PTPRO: variants seen among roughly 807,000 people sequenced by gnomAD.
PTPRO encodes protein tyrosine phosphatase receptor type O.
A neutral mutation model predicts 145.2 loss-of-function variants in PTPRO; 62 were observed. That is an observed-to-expected ratio of 0.43 (90% CI 0.35 to 0.53). The LOEUF is 0.53. PTPRO is among the 20% of genes least tolerant of loss of function. The pLI is 0.01. For missense variants in PTPRO, 1,345 were observed against 1,482.7 expected, an observed-to-expected ratio of 0.91 and a Z score of 1.53; for synonymous variants, 565 against 514.7, an observed-to-expected ratio of 1.10 and a Z score of -1.32.
At chr12:15,533,935 G>T (rs959074645) in intron 12 of PTPRO, among the ~76,000 whole-genome samples, 4 of 152,060 alleles carry the variant, frequency 2.6e-5, no homozygotes, top group Non-Finnish European at 5.9e-5. Context: ...TCTATAGAAA[G>T]AAACCAAACT....
At chr12:15,406,458 A>T (rs1415711870) in intron 1 of PTPRO, among the ~76,000 whole-genome samples, 1 of 152,188 alleles carries the variant, frequency 6.6e-6, no homozygotes, top group South Asian at 2.1e-4. Context: ...AGTCTTACAT[A>T]CAATAGTCAT....
chr12:15,534,143 G>A (rs1225442909), intron 12 of PTPRO, among the ~76,000 whole-genome samples: 1 of 152,092 alleles, frequency 6.6e-6, no homozygotes, highest in African/African-American at 2.4e-5. Context: ...GCAGTTTCAC[G>A]AAACTTTGGT....
At chr12:15,550,163 C>T (rs1333898656) in intron 14 of PTPRO, among the ~76,000 whole-genome samples, 1 of 152,078 alleles carries the variant, frequency 6.6e-6, no homozygotes, top group Non-Finnish European at 1.5e-5. Context: ...GAAGTCTTAC[C>T]AATGATATAG....
chr12:15,452,212 A>T (rs1256426648), intron 1 of PTPRO, among the ~76,000 whole-genome samples: 1 of 152,194 alleles, frequency 6.6e-6, no homozygotes, highest in Non-Finnish European at 1.5e-5. Context: ...GTTACTATGA[A>T]CACCTTTATG....
intron 12 of PTPRO, chr12:15,546,257 G>A: frequency 1.0e-6 from 1 of 981,116 alleles, no homozygotes; most frequent in Non-Finnish European, 1.3e-6. Flanking sequence ...GTATTATCAG[G>A]GCAATGCTAA....
At chr12:15,397,349 C>G (rs751547896) in intron 1 of PTPRO, among the ~76,000 whole-genome samples, 12 of 152,130 alleles carry the variant, frequency 7.9e-5, no homozygotes, top group Non-Finnish European at 1.6e-4. Context: ...TGCAATAACC[C>G]TAAAAGATTA....
At chr12:15,529,500 G>A (rs772055804) in intron 12 of PTPRO, among the ~76,000 whole-genome samples, 56 of 151,468 alleles carry the variant, frequency 3.7e-4, no homozygotes, top group Non-Finnish European at 6.0e-4. Context: ...AAGAAAAGCT[G>A]GGTATGGTGA....
intron 1 of PTPRO, among the ~76,000 whole-genome samples, chr12:15,340,828 A>G (rs867878111): frequency 2.6e-5 from 4 of 152,174 alleles, no homozygotes; most frequent in Non-Finnish European, 5.9e-5. Flanking sequence ...TCCCTCCAAG[A>G]AAGATACCAC....
At chr12:15,395,046 T>A (rs1024639617) in intron 1 of PTPRO, among the ~76,000 whole-genome samples, 1 of 152,156 alleles carries the variant, frequency 6.6e-6, no homozygotes, top group Non-Finnish European at 1.5e-5. Context: ...GAGAGTAATA[T>A]GCAACAAACC....
chr12:15,403,348 C>T (rs1391239692), intron 1 of PTPRO, among the ~76,000 whole-genome samples: 1 of 152,060 alleles, frequency 6.6e-6, no homozygotes, highest in African/African-American at 2.4e-5. Flanking sequence ...TTTGGGAGGC[C>T]GAGGCGGATG....
At chr12:15,497,591 A>G (rs867253741) in intron 3 of PTPRO, among the ~76,000 whole-genome samples, 188 bp downstream of exon 3, 14 of 152,366 alleles carry the variant, frequency 9.2e-5, no homozygotes, top group Middle Eastern at 6.8e-3. Context: ...CTGGTTCATT[A>G]CTTGAGAGTC....
rs142145150 is a variant in PTPRO at position 15,399,911 on chromosome 12, C to T, written c.75+77110C>T. Among the ~76,000 whole-genome samples, 415 of 150,928 alleles carry T rather than the reference C, an allele frequency of 2.7e-3. 10 individuals are homozygous for T. In the East Asian group the frequency reaches 0.053, roughly 19 times the overall value. On this transcript the variant is annotated intron_variant, in intron 1 of 26. Transcript: ENST00000281171. ...ACTAAAAATACAAAAATTAGACGGGCGTGTTGGCGCATACCTGTAATCCCA... is the reference window on the plus strand; with the variant it reads ...ACTAAAAATACAAAAATTAGACGGGTGTGTTGGCGCATACCTGTAATCCCA...
chr12:15,323,152 G>A (rs1028242661), intron 1 of PTPRO, among the ~76,000 whole-genome samples: 29 of 152,166 alleles, frequency 1.9e-4, no homozygotes, highest in African/African-American at 6.3e-4. Context: ...GCACCCCAAC[G>A]CTGCTTAACC....
chr12:15,546,578 C>T lies in PTPRO; in HGVS notation c.2174C>T (p.Pro725Leu). 2 of 1,606,968 alleles carry T rather than the reference C, an allele frequency of 1.2e-6. No homozygotes were observed. The highest frequency in any genetic ancestry group is 1.7e-6 in the Non-Finnish European group (2 of 1,176,162). ...MLRLVKLEPAPPKSLFAVNKT... is the reference protein window; with the variant it reads ...MLRLVKLEPALPKSLFAVNKT... Reference sequence around the variant, plus strand: ...CTTTGTCTTTGCTCAGAACCAGCTCCACCCAAATCACTCTTCGCAGTGAAC... The same window carrying T: ...CTTTGTCTTTGCTCAGAACCAGCTCTACCCAAATCACTCTTCGCAGTGAAC... Residue 725 changes from proline (P) to leucine (L), a missense_variant, in exon 13 of 27, where the codon CCA becomes CTA. By Grantham distance (98) the Pro-to-Leu change is moderately conservative (BLOSUM62 -3). Coordinates refer to ENST00000281171, the MANE Select transcript of PTPRO (RefSeq NM_030667.3).
intron 1 of PTPRO, among the ~76,000 whole-genome samples, chr12:15,368,882 AT>A (rs1938442389): frequency 6.6e-6 from 1 of 152,196 alleles, no homozygotes; most frequent in South Asian, 2.1e-4. Flanking sequence ...TTAGTTGAAA[AT>A]AAAGGATGCT....
chr12:15,501,980 T>A lies in PTPRO; in HGVS notation c.1022T>A (p.Phe341Tyr). ...EKSTSGSFSF[F>Y]PVQMILTWLP... The stretch of plus-strand genomic sequence containing the variant: ...TCAACATCAGGCTCTTTCTCCTTTT[T>A]CCCTGTGCAAATGATATTGACCTGG... The change falls in exon 5 of 27, where the codon TTC becomes TAC. Residue 341 changes from phenylalanine (F) to tyrosine (Y), a missense_variant. This residue lies in a region of PTPRO where 1,130 missense variants were observed against 1,214.7 expected (regional missense o/e 0.93). Coordinates refer to ENST00000281171, the MANE Select transcript of PTPRO (RefSeq NM_030667.3). 1 of 1,614,026 alleles carries A rather than the reference T, an allele frequency of 6.2e-7. No individual in the cohort carries two copies. The highest frequency in any genetic ancestry group is 8.5e-7 in the Non-Finnish European group (1 of 1,179,918).
intron 1 of PTPRO, among the ~76,000 whole-genome samples, chr12:15,380,043 T>C (rs910646880): frequency 7.2e-5 from 11 of 152,152 alleles, no homozygotes; most frequent in Non-Finnish European, 8.8e-5. Context: ...GAGAATATTA[T>C]CATCTAGAAT....
chr12:15,491,878 C>T (rs1399685925), intron 2 of PTPRO, among the ~76,000 whole-genome samples: 1 of 152,160 alleles, frequency 6.6e-6, no homozygotes, highest in Non-Finnish European at 1.5e-5. Flanking sequence ...GACTGAAATG[C>T]TCCACGCTAG....
chr12:15,550,616 C>T (rs909804943), intron 14 of PTPRO, among the ~76,000 whole-genome samples: 9 of 152,120 alleles, frequency 5.9e-5, no homozygotes, highest in Admixed American at 3.9e-4. Flanking sequence ...AGTACTCAAG[C>T]GAAAAAGCTC....
Sources: allele counts gnomAD v4.1 joint callset (sites outside exome capture counted in the v4.1 genomes callset), GRCh38; gene constraint gnomAD v4.1.1; regional missense constraint gnomAD v4.1.1; transcripts MANE v1.5; gene names NCBI Gene and HGNC (gene_info 2026-07-23, HGNC 2026-07-21).